Variants in MOB3B observed in about 807,000 individuals in gnomAD.
MOB3B encodes MOB kinase activator-like 2B.
MOB3B carries 7 observed loss-of-function variants against 18.7 expected under a neutral mutation model. The ratio of observed to expected loss-of-function variants is 0.37; its 90% CI spans 0.21 to 0.70. The LOEUF (loss-of-function observed/expected upper bound fraction) is 0.70. MOB3B is among the 30% of genes least tolerant of loss of function. The probability of loss-of-function intolerance (pLI) is 0.52; values close to 1 mark genes in which losing one functional copy is unlikely to be tolerated. For missense variants in MOB3B, 253 were observed against 281.3 expected (o/e 0.90, Z 0.72); for synonymous variants, 111 against 99.9 (o/e 1.11, Z -0.66).
chr9:27,434,667 G>A (rs1430694141), intron 2 of MOB3B, among the ~76,000 whole-genome samples: 2 of 151,936 alleles, frequency 1.3e-5, no homozygotes, highest in Non-Finnish European at 2.9e-5. Flanking sequence ...TCAGTAAATG[G>A]CTCTACTCCC....
intron 2 of MOB3B, among the ~76,000 whole-genome samples, chr9:27,391,010 A>C (rs532048560): frequency 6.6e-6 from 1 of 152,340 alleles, no homozygotes; most frequent in African/African-American, 2.4e-5. Context: ...TGTGTTTACA[A>C]GTTACTCAGT....
chr9:27,356,522 A>G (rs1821192284), intron 3 of MOB3B, among the ~76,000 whole-genome samples: 2 of 152,192 alleles, frequency 1.3e-5, no homozygotes, highest in African/African-American at 2.4e-5. Context: ...TCTCTACTTG[A>G]TAACTTACAC....
intron 2 of MOB3B, among the ~76,000 whole-genome samples, chr9:27,407,028 G>A (rs905667403): frequency 4.0e-5 from 6 of 151,878 alleles, no homozygotes; most frequent in African/African-American, 1.5e-4. Context: ...TATTAGCGAC[G>A]GGGTTTCACC....
rs1293596711 is a variant in MOB3B at position 27,326,897 on chromosome 9, C to G, written c.*3690G>C. ...TGTGATCCTTTGGAGGGTCACAACT[C>G]ACTGTACTATCTAAGAGTTTTCCCA... is the stretch of plus-strand genomic sequence containing the variant. On this transcript the variant is annotated 3_prime_UTR_variant, in exon 4 of 4. Coordinates refer to ENST00000262244, the MANE Select transcript of MOB3B (RefSeq NM_024761.5). 1 of 239,356 alleles carries G rather than the reference C, an allele frequency of 4.2e-6. No individual in the cohort carries two copies. The highest frequency in any genetic ancestry group is 7.9e-6 in the Non-Finnish European group (1 of 126,014). 14.8% of individuals were successfully genotyped at this position (239,356 alleles called of 1,614,324 possible).
At chr9:27,364,807 C>A (rs1240982890) in intron 2 of MOB3B, among the ~76,000 whole-genome samples, 1 of 152,138 alleles carries the variant, frequency 6.6e-6, no homozygotes, top group African/African-American at 2.4e-5. Flanking sequence ...ATCCCATTGA[C>A]CAAATGGTCT....
chr9:27,489,857 T>C (rs188424114), intron 1 of MOB3B, among the ~76,000 whole-genome samples: 76 of 150,984 alleles, frequency 5.0e-4, no homozygotes, highest in African/African-American at 1.5e-3. Flanking sequence ...AATGTATCTC[T>C]AAAACAGTCA....
intron 1 of MOB3B, among the ~76,000 whole-genome samples, chr9:27,512,354 C>T (rs1440711528): frequency 1.3e-5 from 2 of 152,052 alleles, no homozygotes; most frequent in Non-Finnish European, 2.9e-5. Context: ...AATAATAAAT[C>T]GAATTACTGT....
intron 3 of MOB3B, among the ~76,000 whole-genome samples, chr9:27,349,240 T>C (rs1329802588): frequency 6.6e-6 from 1 of 152,234 alleles, no homozygotes; most frequent in Non-Finnish European, 1.5e-5. Context: ...ATGTATAAAA[T>C]TGTTTCATAG....
chr9:27,425,834 T>C (rs1822320299), intron 2 of MOB3B, among the ~76,000 whole-genome samples: 1 of 152,208 alleles, frequency 6.6e-6, no homozygotes, highest in Non-Finnish European at 1.5e-5. Context: ...AAACAATGTA[T>C]TTCAAGCTTA....
intron 2 of MOB3B, among the ~76,000 whole-genome samples, chr9:27,449,575 C>T (rs1203012167): frequency 6.6e-6 from 1 of 152,206 alleles, no homozygotes; most frequent in Non-Finnish European, 1.5e-5. Context: ...AAGTCCAGTA[C>T]TAATTCCAAC....
chr9:27,380,893 T>G (rs1300531461), intron 2 of MOB3B, among the ~76,000 whole-genome samples: 1 of 152,146 alleles, frequency 6.6e-6, no homozygotes, highest in Non-Finnish European at 1.5e-5. Context: ...CTTTCCACAC[T>G]GCCTAAGGAA....
At chr9:27,528,570 C>T (rs900953426) in intron 1 of MOB3B, among the ~76,000 whole-genome samples, 16 of 152,258 alleles carry the variant, frequency 1.1e-4, no homozygotes, top group Non-Finnish European at 2.2e-4. Flanking sequence ...CCTCCACTTT[C>T]CCAGCTGGGA....
chr9:27,524,479 T>C, intron 1 of MOB3B: 1 of 1,614,058 alleles, frequency 6.2e-7, no homozygotes, highest in Non-Finnish European at 8.5e-7. Context: ...CTGAGACATC[T>C]GAGTAGTATG....
At chr9:27,413,627 G>T (rs200691115) in intron 2 of MOB3B, among the ~76,000 whole-genome samples, 51 of 152,188 alleles carry the variant, frequency 3.4e-4, no homozygotes, top group Non-Finnish European at 5.9e-4. Context: ...AAAATTGGAG[G>T]GTGTTCCAGT....
chr9:27,346,377 A>G (rs955425764), intron 3 of MOB3B, among the ~76,000 whole-genome samples: 1 of 152,188 alleles, frequency 6.6e-6, no homozygotes, highest in Admixed American at 6.5e-5. Context: ...TATGTGCTCA[A>G]TCTTGGCTCC....
At chr9:27,515,220 C>G (rs547747725) in intron 1 of MOB3B, among the ~76,000 whole-genome samples, 1 of 152,134 alleles carries the variant, frequency 6.6e-6, no homozygotes, top group African/African-American at 2.4e-5. Flanking sequence ...ATTCTGATTT[C>G]GTTAACTAAT....
rs543099251 is a variant in MOB3B, at chr9:27,352,648, G to A, written c.621+6386C>T. Among the ~76,000 whole-genome samples, 33 of 152,244 alleles carry A rather than the reference G, an allele frequency of 2.2e-4. No individual in the cohort carries two copies. The South Asian group carries it at 3.5e-3, about 16-fold the overall frequency. ...TTCCTTCCCACCTCCCTCTCCATGC[G>A]GCAGTGGTGGCTGTGTGGTTTGAGG... On this transcript the variant is annotated intron_variant, in intron 3 of 3. Coordinates refer to ENST00000262244, the MANE Select transcript of MOB3B (RefSeq NM_024761.5).
chr9:27,373,787 C>A (rs1403667230), intron 2 of MOB3B, among the ~76,000 whole-genome samples: 1 of 152,242 alleles, frequency 6.6e-6, no homozygotes, highest in Non-Finnish European at 1.5e-5. Flanking sequence ...AAAAAACCAA[C>A]AAACTCTGCA....
At chr9:27,497,395 T>C (rs1485111200) in intron 1 of MOB3B, among the ~76,000 whole-genome samples, 1 of 152,044 alleles carries the variant, frequency 6.6e-6, no homozygotes, top group Admixed American at 6.6e-5. Context: ...TATATAGACA[T>C]ATGAAAAGCT....
Sources: allele counts gnomAD v4.1 joint callset (sites outside exome capture counted in the v4.1 genomes callset), GRCh38; gene constraint gnomAD v4.1.1; transcripts MANE v1.5; gene names NCBI Gene and HGNC (gene_info 2026-07-23, HGNC 2026-07-21).